Variants in DNAJC13 observed in about 807,000 individuals in gnomAD.
DNAJC13 encodes dnaJ homolog subfamily C member 13.
Under a neutral mutation model 290.5 loss-of-function variants are expected in DNAJC13, and 75 were observed. That is an observed-to-expected ratio of 0.26 (90% CI 0.21 to 0.31). DNAJC13 has a LOEUF of 0.31. Ranked by LOEUF, DNAJC13 falls within the 10% of genes least tolerant of loss-of-function variation. The probability of loss-of-function intolerance (pLI) is 1.00; values close to 1 mark genes in which losing one functional copy is unlikely to be tolerated. For missense variants in DNAJC13, 2,260 were observed against 2,674.5 expected, an observed-to-expected ratio of 0.85 and a Z score of 3.42; for synonymous variants, 862 against 892.0, an observed-to-expected ratio of 0.97 and a Z score of 0.60.
chr3:132,490,833 T>A, intron 31 of DNAJC13, 64 bp from the exon 32 acceptor site: 5 of 1,385,258 alleles, frequency 3.6e-6, no homozygotes, highest in Non-Finnish European at 3.8e-6. Context: ...ATAAATCATT[T>A]ATTAGAAAAT....
At chr3:132,533,200 C>T (rs1215718678) in intron 55 of DNAJC13, among the ~76,000 whole-genome samples, 1 of 151,238 alleles carries the variant, frequency 6.6e-6, no homozygotes, top group Non-Finnish European at 1.5e-5. Flanking sequence ...GGATGATAGG[C>T]ATGTACCACC....
chr3:132,441,432 T>C (rs1030447545), intron 2 of DNAJC13, among the ~76,000 whole-genome samples: 2 of 152,228 alleles, frequency 1.3e-5, no homozygotes, highest in African/African-American at 4.8e-5. Context: ...CTGTGTGTTA[T>C]GAGATCTAGA....
chr3:132,497,599 A>G (rs115065998), intron 36 of DNAJC13, among the ~76,000 whole-genome samples: 1,629 of 152,364 alleles, frequency 0.011, 13 homozygotes, highest in Non-Finnish European at 0.018. Context: ...GAATACGTTT[A>G]TAATACATTT....
chr3:132,450,565 C>G, intron 5 of DNAJC13, 82 bp from the exon 6 acceptor site: 3 of 1,018,316 alleles, frequency 2.9e-6, no homozygotes, highest in South Asian at 3.5e-5. Context: ...TTGGTCGTTT[C>G]AATAGTGACT....
rs1367886222 is a variant in DNAJC13 at position 132,453,585 on chromosome 3, T to A, written c.745-14T>A. On this transcript the variant is annotated splice_polypyrimidine_tract_variant and intron_variant, in intron 7 of 55. Coordinates refer to ENST00000260818, the MANE Select transcript of DNAJC13 (RefSeq NM_015268.4). ...AAATAACTTCTTAATATGTCTCAAT[T>A]TTATTTTTTGAAGGAGCCTGTTAAA... 6.2e-6 allele frequency: 10 copies of A among 1,606,718 alleles called. No homozygotes were observed. The highest frequency in any genetic ancestry group is 1.4e-5 in the African/African-American group (1 of 74,048).
At chr3:132,505,213 T>G (rs1935546312) in intron 41 of DNAJC13, 89 bp from the exon 42 acceptor site, 3 of 747,582 alleles carry the variant, frequency 4.0e-6, no homozygotes, top group Admixed American at 5.0e-5. Flanking sequence ...ACTATTATAG[T>G]GTTTGGCCTA....
chr3:132,511,078 A>G lies in DNAJC13; in HGVS notation c.5127A>G (p.Ala1709=). 1.9e-6 allele frequency: 3 copies of G among 1,613,792 alleles called. No homozygotes were observed. Among genetic ancestry groups the G allele is most frequent in the Non-Finnish European group, 2.5e-6 (3 of 1,179,784 alleles). ...VPTFQLEVPK[A]FAASLLDYIG... ...TCTGCATTGATTAGGTTCCAAAAGC[A>G]TTTGCTGCAAGTCTCTTGGATTATA... The change falls in exon 44 of 56, where the codon GCA becomes GCG. Residue 1709 remains alanine, a synonymous_variant. Transcript: ENST00000260818.
At chr3:132,487,654 A>G (rs1934925656) in intron 29 of DNAJC13, among the ~76,000 whole-genome samples, 1 of 148,872 alleles carries the variant, frequency 6.7e-6, no homozygotes, top group Non-Finnish European at 1.5e-5. Context: ...CGACACCTTT[A>G]TTAAGCTTCG....
chr3:132,516,932 T>G, intron 48 of DNAJC13, 116 bp downstream of exon 48: 1 of 900,086 alleles, frequency 1.1e-6, no homozygotes, highest in East Asian at 2.7e-5. Flanking sequence ...AATGAGGTGA[T>G]GTGAAAGTTG....
intron 48 of DNAJC13, among the ~76,000 whole-genome samples, chr3:132,518,783 A>G (rs1267338163): frequency 1.3e-5 from 2 of 152,192 alleles, no homozygotes; most frequent in Non-Finnish European, 2.9e-5. Flanking sequence ...AGCGATCATA[A>G]TCAATTTTAG....
intron 9 of DNAJC13, 71 bp downstream of exon 9, chr3:132,454,228 C>A: frequency 9.7e-7 from 1 of 1,027,040 alleles, no homozygotes; most frequent in Non-Finnish European, 1.4e-6. Flanking sequence ...CAAGGAAAAC[C>A]AAAGATATGT....
chr3:132,495,268 A>G, intron 35 of DNAJC13, 102 bp downstream of exon 35: 1 of 857,608 alleles, frequency 1.2e-6, no homozygotes, highest in Non-Finnish European at 1.9e-6. Context: ...TCTGCCTCAT[A>G]ATATATACTC....
Position 132,492,477 on chromosome 3 carries a change from C to T in DNAJC13, c.3687C>T (p.Asn1229=), listed in dbSNP as rs758856636. ...LADFTPRLQS[N]TRALYQYCPI... ...ATTTCACACCTCGTCTTCAGAGTAACACAAGAGCACTTTATCAGTATTGCC... is the reference window on the plus strand; with the variant it reads ...ATTTCACACCTCGTCTTCAGAGTAATACAAGAGCACTTTATCAGTATTGCC... Residue 1229 remains asparagine (N), a synonymous_variant, in exon 33 of 56, where the codon AAC becomes AAT. Transcript: ENST00000260818. 7 of 1,613,714 alleles carry T rather than the reference C, an allele frequency of 4.3e-6. No individual in the cohort carries two copies. In the Admixed American group the frequency reaches 1.0e-4, roughly 23 times the overall value.
intron 2 of DNAJC13, among the ~76,000 whole-genome samples, chr3:132,438,519 C>G (rs955771857): frequency 6.6e-6 from 1 of 152,152 alleles, no homozygotes; most frequent in Admixed American, 6.5e-5. Context: ...GATTTAGGGC[C>G]TCAGTTTTAA....
At chr3:132,423,492 C>A (rs888081886) in intron 1 of DNAJC13, among the ~76,000 whole-genome samples, 2 of 152,180 alleles carry the variant, frequency 1.3e-5, no homozygotes, top group African/African-American at 4.8e-5. Flanking sequence ...TCTAGTCAAG[C>A]TACAGAATGT....
At chr3:132,469,963 C>CTTTTTTTTTTTTTTTTTTTTTTTT (rs61726289) in intron 20 of DNAJC13, among the ~76,000 whole-genome samples, 6 of 61,152 alleles carry the variant, frequency 9.8e-5, no homozygotes, top group East Asian at 7.1e-4. Context: ...AGCAGAGATT[C>CTTTTTTTTTTTTTTTTTTTTTTTT]TTTTTTTTTT....
chr3:132,463,619 G>C, intron 16 of DNAJC13, 77 bp from the exon 17 acceptor site: 1 of 1,466,824 alleles, frequency 6.8e-7, no homozygotes. Context: ...ATTTAAATAT[G>C]TAAAATTAGT....
At chr3:132,509,518 A>G (rs1432285784) in intron 43 of DNAJC13, among the ~76,000 whole-genome samples, 4 of 152,262 alleles carry the variant, frequency 2.6e-5, no homozygotes, top group African/African-American at 9.6e-5. Context: ...CTGAGTTGAT[A>G]AAGCAGCAGC....
Position 132,512,882 on chromosome 3 carries a change from ACAGATGTTTAGAAC to A in DNAJC13, c.5294-122_5294-109del. 3.9e-6 allele frequency: 3 copies of A among 760,992 alleles called. No homozygotes were observed. The Admixed American group carries it at 7.2e-5, about 18-fold the overall frequency. 47.1% of individuals were successfully genotyped at this position (760,992 alleles called of 1,614,324 possible). A position where few individuals can be genotyped will look rare whatever the true frequency, so the allele number is the denominator to read the frequency against. On this transcript the variant is annotated intron_variant, in intron 44 of 55. Coordinates refer to ENST00000260818, the MANE Select transcript of DNAJC13 (RefSeq NM_015268.4). Reference sequence around the variant, plus strand: ...AGAGGTCCTCCACTTACTTCATGTCACAGATGTTTAGAACCAGTTATCAGAGACTTAAAATTGAC... The same window carrying A: ...AGAGGTCCTCCACTTACTTCATGTCACAGTTATCAGAGACTTAAAATTGAC...
Sources: allele counts gnomAD v4.1 joint callset (sites outside exome capture counted in the v4.1 genomes callset), GRCh38; gene constraint gnomAD v4.1.1; transcripts MANE v1.5; gene names NCBI Gene and HGNC (gene_info 2026-07-23, HGNC 2026-07-21).